The following MYO18B variants were observed in gnomAD, a reference collection of about 807,000 sequenced individuals.
The protein encoded by MYO18B is unconventional myosin-XVIIIb.
In MYO18B, 204 loss-of-function variants were observed where a neutral mutation model predicts 273.0. That is an observed-to-expected ratio of 0.75 (90% CI 0.67 to 0.84). The LOEUF (loss-of-function observed/expected upper bound fraction) is 0.84, where lower values mean the gene tolerates loss of function less well. MYO18B is among the 40% of genes least tolerant of loss of function. The pLI is 0.00. For missense variants in MYO18B, 3,212 were observed against 3,287.6 expected (o/e 0.98, Z 0.56); for synonymous variants, 1,330 against 1,305.7 (o/e 1.02, Z -0.40).
At chr22:25,766,381 A>AT (rs1265175501) in intron 3 of MYO18B, among the ~76,000 whole-genome samples, 2 of 152,180 alleles carry the variant, frequency 1.3e-5, no homozygotes, top group South Asian at 2.1e-4. Context: ...TATTGTGATT[A>AT]TTACAAAGAT....
intron 1 of MYO18B, among the ~76,000 whole-genome samples, chr22:25,753,724 A>T (rs2146549870): frequency 6.6e-6 from 1 of 152,338 alleles, no homozygotes; most frequent in East Asian, 1.9e-4. Flanking sequence ...TAAGAGCTGT[A>T]ACATTCACCG....
At chr22:25,774,995 G>A (rs1399403264) in intron 7 of MYO18B, among the ~76,000 whole-genome samples, 2 of 152,240 alleles carry the variant, frequency 1.3e-5, no homozygotes, top group African/African-American at 4.8e-5. Context: ...AGATGCAAAG[G>A]CATGTGTGCA....
At chr22:25,949,328 G>A (rs1601660753) in intron 36 of MYO18B, among the ~76,000 whole-genome samples, 2 of 152,302 alleles carry the variant, frequency 1.3e-5, no homozygotes, top group South Asian at 4.1e-4. Context: ...GACAACTCCA[G>A]CCTGGTAGAT....
At chr22:25,872,169 G>A (rs2091065689) in intron 22 of MYO18B, among the ~76,000 whole-genome samples, 1 of 152,052 alleles carries the variant, frequency 6.6e-6, no homozygotes, top group Admixed American at 6.5e-5. Flanking sequence ...GTACCAACTG[G>A]GCATGCTAAT....
intron 12 of MYO18B, among the ~76,000 whole-genome samples, chr22:25,813,210 G>A (rs780557159): frequency 8.5e-6 from 1 of 118,308 alleles, no homozygotes; most frequent in South Asian, 2.9e-4. Flanking sequence ...TTGAGACGGA[G>A]TTTCGCTCTT....
At chr22:25,744,986 G>A (rs935947073) in intron 1 of MYO18B, among the ~76,000 whole-genome samples, 1 of 152,088 alleles carries the variant, frequency 6.6e-6, no homozygotes, top group Non-Finnish European at 1.5e-5. Context: ...GAGCAACCAC[G>A]AGCCCCTTAT....
rs1200498035 is a variant in MYO18B at position 25,947,815 on chromosome 22, A to T, written c.5735A>T (p.Asp1912Val). 1 of 1,613,582 alleles carries T rather than the reference A, an allele frequency of 6.2e-7. No homozygotes were observed. The highest frequency in any genetic ancestry group is 2.2e-5 in the East Asian group (1 of 44,870). ...AATGAGCTGATGCAGAAGCACAAGG[A>T]CCTCATTGCTCAGGTAGTGAATGAG... ...DLNELMQKHK[D>V]LIAQSAADIG... is the part of the protein sequence containing the mutation. The change falls in exon 36 of 44, where the codon GAC becomes GTC. Residue 1912 changes from aspartate to valine, a missense_variant. Asp to Val is a radical substitution (Grantham distance 152). Transcript: ENST00000335473.
At chr22:25,742,740 C>T (rs781384877) in intron 1 of MYO18B, among the ~76,000 whole-genome samples, 2 of 152,142 alleles carry the variant, frequency 1.3e-5, no homozygotes. Context: ...GTTAACAACG[C>T]TGTTGAGTCG....
rs371110725 is a variant in MYO18B at position 25,866,531 on chromosome 22, C to T, written c.3886-1789C>T. The stretch of plus-strand genomic sequence containing the variant: ...ATTCAGTCATCATATCTATTGGGCT[C>T]CTACTGTGTGTATAGAACAGTACTA... On this transcript the variant is annotated intron_variant, in intron 21 of 43. Transcript: ENST00000335473. 2.1e-3 allele frequency among the ~76,000 whole-genome samples: 327 copies of T among 152,224 alleles called. 18 individuals carry two copies. In the South Asian group the frequency reaches 0.067, roughly 31 times the overall value.
intron 30 of MYO18B, chr22:25,902,975 G>A (rs2091968298): frequency 2.2e-6 from 1 of 461,246 alleles, no homozygotes; most frequent in African/African-American, 2.0e-5. Flanking sequence ...CACAGGTTCC[G>A]AGGTGCTTAC....
At chr22:25,876,076 C>T (rs1298747270) in intron 23 of MYO18B, 113 bp from the exon 24 acceptor site, 44 of 946,588 alleles carry the variant, frequency 4.6e-5, no homozygotes, top group African/African-American at 1.3e-4. Context: ...TCCCTTCCAC[C>T]GGGAAATAAC....
chr22:25,826,488 A>G lies in MYO18B; in HGVS notation c.2775A>G (p.Ser925=), dbSNP rs1291719767. The change falls in exon 14 of 44, where the codon TCA becomes TCG. Residue 925 remains serine (S), a synonymous_variant. Transcript: ENST00000335473. The part of the protein sequence containing the change: ...LYQELFAAVV[S]LINRSFSSHH... ...AGGAACTCTTTGCGGCTGTGGTCTC[A>G]CTCATCAACAGGTAACGGGGCCTTT... 6.2e-7 allele frequency: 1 copy of G among 1,613,196 alleles called. No individual in the cohort carries two copies. Among genetic ancestry groups the G allele is most frequent in the South Asian group, 1.1e-5 (1 of 91,058 alleles).
In MYO18B at chr22:26,026,062, CA is replaced by C. The variant is rs539659646; in HGVS notation, c.6471-380del. Among the ~76,000 whole-genome samples, 11 of 148,606 alleles carry C rather than the reference CA, an allele frequency of 7.4e-5. No homozygotes were observed. The East Asian group carries it at 2.1e-3, about 29-fold the overall frequency. On this transcript the variant is annotated intron_variant, in intron 42 of 43. Transcript: ENST00000335473. ...TCCTCTAGGCTTGGCCCCAAATAAA[CA>C]AACAGCCCACTGCATGTCCCCTTCC...
chr22:25,987,630 A>G (rs905072136), intron 39 of MYO18B, among the ~76,000 whole-genome samples: 3 of 152,182 alleles, frequency 2.0e-5, no homozygotes, highest in South Asian at 2.1e-4. Context: ...TGTTCCAGAC[A>G]CTGGTAATAC....
At chr22:25,769,519 AGGGGTGGACGG>A in intron 4 of MYO18B, 91 bp downstream of exon 4, 2 of 984,822 alleles carry the variant, frequency 2.0e-6, no homozygotes, top group South Asian at 3.4e-5. Flanking sequence ...GGGATGGACA[AGGGGTGGACGG>A]GGGGTGGGCA....
intron 11 of MYO18B, among the ~76,000 whole-genome samples, chr22:25,793,876 C>T (rs748851057): frequency 2.0e-5 from 3 of 152,130 alleles, no homozygotes; most frequent in Non-Finnish European, 4.4e-5. Flanking sequence ...AAGTGTATAA[C>T]GTATACTAAT....
At chr22:25,968,433 G>A (rs1482830803) in intron 39 of MYO18B, among the ~76,000 whole-genome samples, 1 of 152,194 alleles carries the variant, frequency 6.6e-6, no homozygotes, top group Non-Finnish European at 1.5e-5. Context: ...CACTGTGGAA[G>A]CCACATCTGT....
intron 2 of MYO18B, chr22:25,762,952 A>G (rs1444319737): frequency 6.6e-6 from 4 of 604,046 alleles, no homozygotes; most frequent in East Asian, 3.9e-5. Flanking sequence ...CCTTGACCAT[A>G]CAAGTGACTG....
At chr22:25,955,414 T>C in intron 39 of MYO18B, 50 bp downstream of exon 39, 2 of 1,544,556 alleles carry the variant, frequency 1.3e-6, no homozygotes, top group Non-Finnish European at 1.8e-6. Context: ...GTTTGCAATG[T>C]GGTAGACCCC....
Sources: gnomAD v4.1 joint callset for allele counts (sites outside exome capture counted in the v4.1 genomes callset) on GRCh38, gnomAD v4.1.1 for gene constraint, MANE v1.5 for transcripts, NCBI Gene and HGNC (gene_info 2026-07-23, HGNC 2026-07-21) for gene names.